Variants in NAV3 observed in about 807,000 individuals in gnomAD.
The protein encoded by NAV3 is pore membrane and/or filament interacting like protein 1.
NAV3 carries 87 observed loss-of-function variants against 244.7 expected under a neutral mutation model. The ratio of observed to expected loss-of-function variants is 0.36; its 90% CI spans 0.30 to 0.42. The LOEUF is 0.42. Among genes scored for constraint, NAV3 ranks in the 20% least tolerant of loss-of-function variants. NAV3 has a pLI of 1.00. For synonymous variants in NAV3, 1,126 were observed against 1,042.2 expected, an observed-to-expected ratio of 1.08 and a Z score of -1.55; for missense variants, 2,663 against 2,893.3, an observed-to-expected ratio of 0.92 and a Z score of 1.83.
At chr12:77,825,988 T>C (rs866120290), upstream of NAV3, among the ~76,000 whole-genome samples, 3 of 152,254 alleles carry the variant, frequency 2.0e-5, no homozygotes, top group Middle Eastern at 6.8e-3. Flanking sequence ...GATACACCCC[T>C]ACTCCTGAGT....
intron 2 of NAV3, among the ~76,000 whole-genome samples, chr12:77,756,699 T>C (rs750184438): frequency 1.4e-4 from 22 of 152,222 alleles, no homozygotes; most frequent in Non-Finnish European, 2.4e-4. Context: ...ATTTTTAATT[T>C]TCTTATTTGA....
chr12:78,190,155 A>G lies in NAV3; in HGVS notation c.6227A>G (p.Lys2076Arg). The G allele has an allele frequency of 6.2e-7, 1 of 1,613,038 alleles. No individual in the cohort carries two copies. Among genetic ancestry groups the G allele is most frequent in the Non-Finnish European group, 8.5e-7 (1 of 1,179,502 alleles). Residue 2076 changes from lysine (K) to arginine (R), a missense_variant, in exon 34 of 40, where the codon AAA becomes AGA. Around this residue, in one of 6 missense-constraint regions of NAV3, gnomAD observed 543 missense variants for 672.4 expected, o/e 0.81. Coordinates refer to ENST00000397909, the MANE Select transcript of NAV3 (RefSeq NM_001024383.2). ...ANKLAEYVIT[K>R]SGRKKTEDAI... ...AAACTTGCTGAATATGTAATAACCA[A>G]ATCTGGAAGGAAAAAAACAGAGGAT...
intron 2 of NAV3, among the ~76,000 whole-genome samples, chr12:77,811,456 C>T (rs1490030305): frequency 6.6e-6 from 1 of 152,160 alleles, no homozygotes; most frequent in African/African-American, 2.4e-5. Flanking sequence ...TTTGGTTGTA[C>T]ATTTTCAAGG....
intron 7 of NAV3, among the ~76,000 whole-genome samples, chr12:77,999,999 G>C (rs1174234628): frequency 6.6e-6 from 1 of 152,166 alleles, no homozygotes; most frequent in Non-Finnish European, 1.5e-5. Flanking sequence ...AGCAATGTTT[G>C]TAAATAGACT....
chr12:77,582,484 C>G (rs1264206616), intron 2 of NAV3, among the ~76,000 whole-genome samples: 1 of 152,174 alleles, frequency 6.6e-6, no homozygotes, highest in East Asian at 1.9e-4. Flanking sequence ...GTTTCTCCTT[C>G]TATCTTATTA....
At chr12:77,905,165 T>TAATA (rs1459394402) in intron 1 of NAV3, among the ~76,000 whole-genome samples, 3 of 152,152 alleles carry the variant, frequency 2.0e-5, no homozygotes, top group African/African-American at 7.2e-5. Flanking sequence ...GGGGCTTTTC[T>TAATA]AATACCAAAA....
At chr12:77,979,321 C>T (rs533597582) in intron 5 of NAV3, among the ~76,000 whole-genome samples, 7 of 151,426 alleles carry the variant, frequency 4.6e-5, no homozygotes, top group South Asian at 4.2e-4. Flanking sequence ...GAAACTAAGA[C>T]GTCAAGGCTG....
chr12:77,894,662 G>T lies in NAV3; in HGVS notation c.244-45657G>T, dbSNP rs1033045274. 7.9e-5 allele frequency among the ~76,000 whole-genome samples: 12 copies of T among 152,180 alleles called. No individual in the cohort carries two copies. The South Asian group carries it at 8.3e-4, about 10-fold the overall frequency. ...ATAAATGTCTATGAAGATAAGACAA[G>T]ATCCCTATTTTGAATAAGAGTAAAT... On this transcript the variant is annotated intron_variant, in intron 1 of 39. Transcript: ENST00000397909.
chr12:77,674,572 T>C, intron 2 of NAV3, among the ~76,000 whole-genome samples: 1 of 152,072 alleles, frequency 6.6e-6, no homozygotes. Context: ...ATATTTTTTA[T>C]ACAGATGGAG....
At chr12:77,771,310 T>C (rs917696973) in intron 2 of NAV3, among the ~76,000 whole-genome samples, 26 of 152,298 alleles carry the variant, frequency 1.7e-4, no homozygotes, top group African/African-American at 5.5e-4. Context: ...TTTTACACTG[T>C]TGGTGGGACT....
At chr12:78,203,674 A>T (rs1055570041) in intron 38 of NAV3, among the ~76,000 whole-genome samples, 2 of 152,062 alleles carry the variant, frequency 1.3e-5, no homozygotes, top group Non-Finnish European at 2.9e-5. Context: ...ATCTAACAAC[A>T]AACCAAAGTA....
At chr12:78,086,226 A>C (rs1235389083) in intron 12 of NAV3, among the ~76,000 whole-genome samples, 1 of 152,126 alleles carries the variant, frequency 6.6e-6, no homozygotes, top group African/African-American at 2.4e-5. Flanking sequence ...CCAAAATTGC[A>C]TAAAAGAAAA....
chr12:77,828,289 A>G (rs1284356897), upstream of NAV3, among the ~76,000 whole-genome samples: 1 of 152,152 alleles, frequency 6.6e-6, no homozygotes, highest in Non-Finnish European at 1.5e-5. Context: ...TGCAGCAAGA[A>G]GACCCTCACC....
chr12:77,818,483 C>T (rs10777467), intron 2 of NAV3, among the ~76,000 whole-genome samples: 148,392 of 152,122 alleles, frequency 0.98, 72,504 homozygotes, highest in East Asian at 1. Flanking sequence ...TTTATGTTTG[C>T]TCAAAGTTTT....
intron 3 of NAV3, among the ~76,000 whole-genome samples, chr12:77,957,813 C>G (rs113126490): frequency 0.025 from 3,764 of 152,048 alleles, 146 homozygotes; most frequent in African/African-American, 0.084. Flanking sequence ...ATTACAGAAG[C>G]CTGCCACCAT....
chr12:78,055,541 C>T (rs1883365142), intron 11 of NAV3, among the ~76,000 whole-genome samples: 1 of 152,144 alleles, frequency 6.6e-6, no homozygotes, highest in South Asian at 2.1e-4. Flanking sequence ...AAAACCCTCG[C>T]TGATGTTTCT....
At chr12:77,984,479 ATT>A (rs33928359) in intron 5 of NAV3, among the ~76,000 whole-genome samples, 5 of 146,014 alleles carry the variant, frequency 3.4e-5, no homozygotes, top group Admixed American at 6.8e-5. Flanking sequence ...TCAAGTATGC[ATT>A]TTTTTTTTTT....
chr12:77,739,031 A>AG (rs1868278700), intron 2 of NAV3, among the ~76,000 whole-genome samples: 1 of 150,716 alleles, frequency 6.6e-6, no homozygotes, highest in Admixed American at 6.6e-5. Context: ...AAAAAAAAAA[A>AG]AAAAAAAGAC....
At chr12:77,956,274 A>C (rs545913913) in intron 3 of NAV3, among the ~76,000 whole-genome samples, 2 of 152,176 alleles carry the variant, frequency 1.3e-5, no homozygotes, top group Non-Finnish European at 2.9e-5. Context: ...CTAGTATTAC[A>C]TGTTTAATGT....
Sources: allele counts gnomAD v4.1 joint callset (sites outside exome capture counted in the v4.1 genomes callset), GRCh38; gene constraint gnomAD v4.1.1; regional missense constraint gnomAD v4.1.1; transcripts MANE v1.5; gene names NCBI Gene and HGNC (gene_info 2026-07-23, HGNC 2026-07-21).